Variants in GLIS1 observed in about 807,000 individuals in gnomAD.
The protein encoded by GLIS1 is zinc finger protein GLIS1.
A neutral mutation model predicts 63.8 loss-of-function variants in GLIS1; 24 were observed. That is an observed-to-expected ratio of 0.38 (90% CI 0.27 to 0.53). The LOEUF is 0.53. GLIS1 is among the 20% of genes least tolerant of loss of function. The pLI is 0.85. For synonymous variants in GLIS1, 450 were observed against 482.5 expected, an observed-to-expected ratio of 0.93 and a Z score of 0.88; for missense variants, 1,036 against 1,074.1, an observed-to-expected ratio of 0.96 and a Z score of 0.50.
At chr1:53,565,972 C>A (rs995778022) in intron 4 of GLIS1, among the ~76,000 whole-genome samples, 3 of 151,968 alleles carry the variant, frequency 2.0e-5, no homozygotes, top group East Asian at 3.8e-4. Context: ...CAAATTATAT[C>A]CAAGTTGGGT....
At chr1:53,518,192 C>T (rs965369215) in intron 7 of GLIS1, among the ~76,000 whole-genome samples, 6 of 152,170 alleles carry the variant, frequency 3.9e-5, no homozygotes, top group African/African-American at 1.4e-4. Flanking sequence ...GGAAGCAGCT[C>T]GAGGACAGGG....
At chr1:53,655,316 G>C (rs146290210) in intron 2 of GLIS1, among the ~76,000 whole-genome samples, 3 of 152,142 alleles carry the variant, frequency 2.0e-5, no homozygotes, top group Non-Finnish European at 4.4e-5. Flanking sequence ...TGCTCTAGAC[G>C]AGTTGTCTCC....
chr1:53,509,092 G>A (rs1216156710), intron 10 of GLIS1, 28 bp downstream of exon 10: 1 of 1,535,206 alleles, frequency 6.5e-7, no homozygotes, highest in East Asian at 2.4e-5. Context: ...AGGTGCCCAG[G>A]ACTGGGAGCC....
At chr1:53,528,086 T>A (rs1210012902) in intron 5 of GLIS1, among the ~76,000 whole-genome samples, 4 of 151,608 alleles carry the variant, frequency 2.6e-5, no homozygotes, top group African/African-American at 4.9e-5. Flanking sequence ...CTGGGAGACA[T>A]AACTGGGGGT....
intron 4 of GLIS1, among the ~76,000 whole-genome samples, chr1:53,555,366 T>TA (rs1445673898): frequency 6.6e-6 from 1 of 152,034 alleles, no homozygotes; most frequent in African/African-American, 2.4e-5. Flanking sequence ...CTGTCAGTAC[T>TA]AAAAATACAA....
chr1:53,739,028 C>A, intron 1 of GLIS1, among the ~76,000 whole-genome samples, 77 bp downstream of exon 1: 1 of 152,176 alleles, frequency 6.6e-6, no homozygotes, highest in East Asian at 1.9e-4. Flanking sequence ...GGGGTTCGAG[C>A]GTCGCCGGGA....
In GLIS1 at chr1:53,506,668, G is replaced by C. The variant is rs2100235748; in HGVS notation, c.2339C>G (p.Ala780Gly). 1 of 1,613,562 alleles carries C rather than the reference G, an allele frequency of 6.2e-7. No individual in the cohort carries two copies. The highest frequency in any genetic ancestry group is 1.7e-4 in the Middle Eastern group (1 of 6,060). Reference sequence around the variant, plus strand: ...GATGTGGCCCAGGCAGTGGTCAAAGGCTCCATTGGGGAAGAAGCCACAGTC... The same window carrying C: ...GATGTGGCCCAGGCAGTGGTCAAAGCCTCCATTGGGGAAGAAGCCACAGTC... ...PEDCGFFPNG[A>G]FDHCLGHIPS... Residue 780 changes from alanine to glycine, a missense_variant, in exon 11 of 11, where the codon GCC becomes GGC. Ala to Gly is a moderately conservative substitution (Grantham distance 60). Around this residue, in one of 3 missense-constraint regions of GLIS1, gnomAD observed 400 missense variants for 400.9 expected, o/e 1.00. Coordinates refer to ENST00000628545, the MANE Select transcript of GLIS1 (RefSeq NM_001367484.1).
chr1:53,664,089 G>C (rs1177865730), intron 2 of GLIS1, among the ~76,000 whole-genome samples: 1 of 152,222 alleles, frequency 6.6e-6, no homozygotes, highest in South Asian at 2.1e-4. Context: ...GCCCTAGCCA[G>C]CTAGAATCGA....
At chr1:53,644,686 C>T (rs1265712836) in intron 2 of GLIS1, among the ~76,000 whole-genome samples, 1 of 152,098 alleles carries the variant, frequency 6.6e-6, no homozygotes, top group African/African-American at 2.4e-5. Flanking sequence ...CCGGAGGAGG[C>T]AGTGTGCTGG....
chr1:53,520,844 G>A (rs1644401172), intron 6 of GLIS1, 78 bp from the exon 7 acceptor site: 1 of 1,453,610 alleles, frequency 6.9e-7, no homozygotes, highest in Admixed American at 2.4e-5. Flanking sequence ...AGGGGACAGG[G>A]CAGAAAGGAC....
At chr1:53,523,992 G>A (rs978408472) in intron 6 of GLIS1, among the ~76,000 whole-genome samples, 14 of 152,258 alleles carry the variant, frequency 9.2e-5, no homozygotes, top group African/African-American at 2.9e-4. Context: ...TGAATTCACC[G>A]GCCCAACTCT....
chr1:53,570,594 G>A (rs538918527), intron 4 of GLIS1, among the ~76,000 whole-genome samples: 94 of 152,168 alleles, frequency 6.2e-4, no homozygotes, highest in African/African-American at 2.2e-3. Flanking sequence ...CTGTGGTATT[G>A]GTGCAGGGGT....
intron 2 of GLIS1, among the ~76,000 whole-genome samples, chr1:53,618,165 T>C (rs972278997): frequency 9.2e-5 from 14 of 151,976 alleles, no homozygotes; most frequent in African/African-American, 3.1e-4. Context: ...GCAGAGAGGG[T>C]TTGAGAACCT....
rs148634166 is a variant in GLIS1 at position 53,517,235 on chromosome 1, G to A, written c.1727-2454C>T. ...GGTCTGGATACCCAGCTGAGGCCTCGGCTCTGGTGCAGGCATCACTGCTGG... is the reference window on the plus strand; with the variant it reads ...GGTCTGGATACCCAGCTGAGGCCTCAGCTCTGGTGCAGGCATCACTGCTGG... On this transcript the variant is annotated intron_variant, in intron 7 of 10. Coordinates refer to ENST00000628545, the MANE Select transcript of GLIS1 (RefSeq NM_001367484.1). 1.7e-3 allele frequency among the ~76,000 whole-genome samples: 253 copies of A among 152,110 alleles called. 1 individual carries two copies. Among genetic ancestry groups the A allele is most frequent in the African/African-American group, 5.6e-3 (233 of 41,522 alleles).
intron 1 of GLIS1, 53 bp from the exon 2 acceptor site, chr1:53,738,159 T>C: frequency 2.7e-6 from 3 of 1,097,584 alleles, no homozygotes; most frequent in South Asian, 9.3e-5. Flanking sequence ...GGCCCCCGTA[T>C]TGTCCCGGGG....
At chr1:53,600,987 A>G (rs1645311572) in intron 2 of GLIS1, among the ~76,000 whole-genome samples, 1 of 152,190 alleles carries the variant, frequency 6.6e-6, no homozygotes, top group Non-Finnish European at 1.5e-5. Flanking sequence ...AACAAGAGTC[A>G]GGCGTGCTTG....
intron 2 of GLIS1, among the ~76,000 whole-genome samples, chr1:53,703,607 C>A (rs1646546784): frequency 6.7e-6 from 1 of 149,836 alleles, no homozygotes; most frequent in Non-Finnish European, 1.5e-5. Flanking sequence ...CCACTGCACT[C>A]CAGCCAGGAT....
At chr1:53,596,187 T>C (rs1645253584) in intron 3 of GLIS1, among the ~76,000 whole-genome samples, 1 of 152,200 alleles carries the variant, frequency 6.6e-6, no homozygotes. Context: ...CTCCCACATG[T>C]GGAACATTCC....
intron 2 of GLIS1, among the ~76,000 whole-genome samples, chr1:53,716,174 A>G (rs1646696490): frequency 6.6e-6 from 1 of 152,192 alleles, no homozygotes; most frequent in African/African-American, 2.4e-5. Context: ...ACTCCCAGAT[A>G]CAGACTGGGC....
Sources: gnomAD v4.1 joint callset for allele counts (sites outside exome capture counted in the v4.1 genomes callset) on GRCh38, gnomAD v4.1.1 for gene constraint, gnomAD v4.1.1 regional missense constraint, MANE v1.5 for transcripts, NCBI Gene and HGNC (gene_info 2026-07-23, HGNC 2026-07-21) for gene names.